The following CPED1 variants were observed in gnomAD, a reference collection of about 807,000 sequenced individuals.
CPED1 encodes the protein cadherin like and PC-esterase domain containing 1, also known as cadherin-like and PC-esterase domain-containing protein 1.
In CPED1, 114 loss-of-function variants were observed where a neutral mutation model predicts 128.2. The ratio of observed to expected loss-of-function variants is 0.89; its 90% CI spans 0.76 to 1.04. The LOEUF (loss-of-function observed/expected upper bound fraction) is 1.04. CPED1 is among the 50% of genes least tolerant of loss of function. CPED1 has a pLI of 0.00. For synonymous variants in CPED1, 462 were observed against 426.7 expected (o/e 1.08, Z -1.02); for missense variants, 1,211 against 1,207.1 (o/e 1.00, Z -0.05).
In CPED1 at chr7:120,989,836, T is replaced by C; in HGVS notation, c.215T>C (p.Phe72Ser). 5 of 1,614,136 alleles carry C rather than the reference T, an allele frequency of 3.1e-6. No homozygotes were observed. Among genetic ancestry groups the C allele is most frequent in the Non-Finnish European group, 4.2e-6 (5 of 1,180,030 alleles). Residue 72 changes from phenylalanine to serine, a missense_variant, in exon 2 of 23, where the codon TTC (phenylalanine) becomes TCC (serine). Phe to Ser is a radical substitution (Grantham distance 155, BLOSUM62 -2). Transcript: ENST00000310396. ...KKGFSQDKQC[F>S]LLSGNAQETR... ...GGATTCTCTCAGGACAAACAGTGCT[T>C]CCTTCTCTCTGGTAATGCCCAGGAA...
At chr7:121,250,348 A>G (rs1194259105) in intron 18 of CPED1, among the ~76,000 whole-genome samples, 5 of 151,908 alleles carry the variant, frequency 3.3e-5, no homozygotes, top group East Asian at 1.9e-4. Flanking sequence ...TTATAGCACT[A>G]AATGCCCACA....
intron 16 of CPED1, among the ~76,000 whole-genome samples, chr7:121,150,903 G>A (rs1796143121): frequency 6.6e-6 from 1 of 151,940 alleles, no homozygotes; most frequent in Admixed American, 6.6e-5. Flanking sequence ...CGAGTAGCTG[G>A]GATTACAGGC....
chr7:121,213,936 G>T (rs768462819), intron 16 of CPED1, among the ~76,000 whole-genome samples: 7 of 151,804 alleles, frequency 4.6e-5, no homozygotes, highest in Non-Finnish European at 7.4e-5. Context: ...TTATTTTTCT[G>T]TTCCAGGATC....
chr7:121,017,570 C>T (rs1792333817), intron 3 of CPED1, among the ~76,000 whole-genome samples: 1 of 152,130 alleles, frequency 6.6e-6, no homozygotes, highest in South Asian at 2.1e-4. Flanking sequence ...TGCAGAATGG[C>T]CCTGATAACA....
intron 18 of CPED1, among the ~76,000 whole-genome samples, chr7:121,254,476 A>C (rs1050390008): frequency 6.6e-6 from 1 of 152,078 alleles, no homozygotes; most frequent in South Asian, 2.1e-4. Flanking sequence ...TCAAATCAAC[A>C]ATATAAGTTT....
intron 4 of CPED1, among the ~76,000 whole-genome samples, chr7:121,047,983 T>A (rs1793260286): frequency 6.6e-6 from 1 of 151,950 alleles, no homozygotes; most frequent in South Asian, 2.1e-4. Context: ...TGGGGATAAC[T>A]CCTTTCTTCT....
chr7:121,143,986 T>A (rs1262037130), intron 16 of CPED1, among the ~76,000 whole-genome samples: 1 of 151,974 alleles, frequency 6.6e-6, no homozygotes, highest in East Asian at 1.9e-4. Flanking sequence ...CACACAAATA[T>A]GAAACAATCT....
chr7:120,996,916 G>A (rs369548234), intron 2 of CPED1, among the ~76,000 whole-genome samples: 18 of 152,232 alleles, frequency 1.2e-4, no homozygotes, highest in African/African-American at 2.6e-4. Flanking sequence ...AACGTTGAGC[G>A]CACTCAATTG....
rs907306547 is a variant in CPED1, at chr7:121,296,287, C to G, written c.*635C>G. On this transcript the variant is annotated 3_prime_UTR_variant, in exon 23 of 23. Coordinates refer to ENST00000310396, the MANE Select transcript of CPED1 (RefSeq NM_024913.5). ...ATGAAATATTTTATAGTTAAAACAC[C>G]AATATATTCAACTTTACACTTCTTG... The G allele has an allele frequency of 4.6e-5, 7 of 152,072 alleles. No homozygotes were observed. The highest frequency in any genetic ancestry group is 1.7e-4 in the African/African-American group (7 of 41,420). 9.4% of individuals were successfully genotyped at this position (152,072 alleles called of 1,614,324 possible).
At chr7:121,239,407 A>G (rs972986432) in intron 17 of CPED1, among the ~76,000 whole-genome samples, 2 of 152,142 alleles carry the variant, frequency 1.3e-5, no homozygotes, top group African/African-American at 4.8e-5. Flanking sequence ...ACAACCTAGA[A>G]TTAAATCTGT....
chr7:121,029,631 T>C (rs1324430487), intron 3 of CPED1, among the ~76,000 whole-genome samples: 1 of 152,210 alleles, frequency 6.6e-6, no homozygotes, highest in Non-Finnish European at 1.5e-5. Flanking sequence ...TCATTATTTG[T>C]CCACTTTCAG....
In CPED1 at chr7:121,140,839, C is replaced by G. The variant is rs946957818; in HGVS notation, c.1712C>G (p.Pro571Arg). 24 of 1,610,578 alleles carry G rather than the reference C, an allele frequency of 1.5e-5. No individual in the cohort carries two copies. Among genetic ancestry groups the G allele is most frequent in the Non-Finnish European group, 2.0e-5 (24 of 1,178,188 alleles). Residue 571 changes from proline (P) to arginine (R), a missense_variant, in exon 15 of 23, where the codon CCA becomes CGA. Physicochemically the swap from Pro to Arg is moderately radical, Grantham distance 103. Coordinates refer to ENST00000310396, the MANE Select transcript of CPED1 (RefSeq NM_024913.5). ...EIHCSDDENT[P>R]CHIKQIFTHP... ...GTTTTTTTAACAGATGAAAACACAC[C>G]ATGTCATATCAAGCAGATCTTCACA...
In CPED1 at chr7:121,037,216, C is replaced by T. The variant is rs567571052; in HGVS notation, c.434-9671C>T. 3.9e-5 allele frequency among the ~76,000 whole-genome samples: 6 copies of T among 152,122 alleles called. No homozygotes were observed. The South Asian group carries it at 1.0e-3, about 26-fold the overall frequency. Reference sequence around the variant, plus strand: ...TTTTGGTCATGAAGTCTTTGCCTAACCTAATGTCTAGAAGGGTTTTTCTGA... The same window carrying T: ...TTTTGGTCATGAAGTCTTTGCCTAATCTAATGTCTAGAAGGGTTTTTCTGA... On this transcript the variant is annotated intron_variant, in intron 3 of 22. Transcript: ENST00000310396.
At chr7:121,277,729 C>T (rs1037884178) in intron 22 of CPED1, among the ~76,000 whole-genome samples, 7 of 152,104 alleles carry the variant, frequency 4.6e-5, no homozygotes, top group African/African-American at 4.8e-5. Flanking sequence ...TGAGGTCATG[C>T]AGGTTACGTT....
chr7:121,278,544 A>G (rs2116767733), intron 22 of CPED1, among the ~76,000 whole-genome samples: 1 of 152,318 alleles, frequency 6.6e-6, no homozygotes, highest in East Asian at 1.9e-4. Context: ...ACAGATTCCT[A>G]CACTCCTTTT....
At chr7:121,025,946 T>G (rs1418420118) in intron 3 of CPED1, among the ~76,000 whole-genome samples, 1 of 152,152 alleles carries the variant, frequency 6.6e-6, no homozygotes, top group Non-Finnish European at 1.5e-5. Flanking sequence ...CAACTGATAG[T>G]GCTATCCCGG....
chr7:121,162,485 T>C (rs761346325), intron 16 of CPED1, among the ~76,000 whole-genome samples: 3 of 152,154 alleles, frequency 2.0e-5, no homozygotes, highest in Non-Finnish European at 2.9e-5. Context: ...ATACCATAAA[T>C]GATAAACTTA....
intron 18 of CPED1, among the ~76,000 whole-genome samples, chr7:121,256,740 T>G (rs1236753957): frequency 1.3e-5 from 2 of 151,982 alleles, no homozygotes; most frequent in Non-Finnish European, 2.9e-5. Context: ...GGAAATAAAT[T>G]GTTCTGCCAA....
At chr7:121,099,174 G>A (rs1433909750) in intron 6 of CPED1, among the ~76,000 whole-genome samples, 1 of 151,632 alleles carries the variant, frequency 6.6e-6, no homozygotes, top group Non-Finnish European at 1.5e-5. Context: ...TTTTTCTAGA[G>A]AAGAAAAAAT....
Sources: allele counts gnomAD v4.1 joint callset (sites outside exome capture counted in the v4.1 genomes callset), GRCh38; gene constraint gnomAD v4.1.1; transcripts MANE v1.5; gene names NCBI Gene and HGNC (gene_info 2026-07-23, HGNC 2026-07-21).